The following CIB2 variants were observed in gnomAD, a reference collection of about 807,000 sequenced individuals.
CIB2 encodes the protein calcium and integrin binding family member 2, also known as calcium and integrin-binding family member 2.
CIB2 carries 19 observed loss-of-function variants against 23.1 expected under a neutral mutation model. The ratio of observed to expected loss-of-function variants is 0.82; its 90% confidence interval spans 0.57 to 1.21. The LOEUF (loss-of-function observed/expected upper bound fraction) is 1.21, where lower values mean the gene tolerates loss of function less well. Ranked by LOEUF, CIB2 falls within the 50% of genes most tolerant of loss-of-function variation. The pLI is 0.00. For missense variants in CIB2, 220 were observed against 241.5 expected (o/e 0.91, Z 0.59); for synonymous variants, 94 against 91.7 (o/e 1.03, Z -0.14).
chr15:78,119,478 G>C (rs1369255546), intron 2 of CIB2, among the ~76,000 whole-genome samples: 1 of 152,092 alleles, frequency 6.6e-6, no homozygotes, highest in African/African-American at 2.4e-5. Context: ...GATTTTATTT[G>C]TAAGTGTTTG....
In CIB2 at chr15:78,121,892, C is replaced by T. The variant is rs370838744; in HGVS notation, c.86+1813G>A. Among the ~76,000 whole-genome samples the T allele has an allele frequency of 7.9e-5, 12 of 152,354 alleles. No homozygotes were observed. In the East Asian group the frequency reaches 9.6e-4, roughly 12 times the overall value. ...TCAAGCTCCTCTCTCCTCTTCCCCA[C>T]ACAGGCAATCTTGCTGCTGTCAATG... On this transcript the variant is annotated intron_variant, in intron 2 of 5. Transcript: ENST00000258930.
At chr15:78,105,630 C>A in intron 5 of CIB2, 109 bp downstream of exon 5, 1 of 1,582,880 alleles carries the variant, frequency 6.3e-7, no homozygotes. Flanking sequence ...CTCCTGCTTC[C>A]TGGCCGCACA....
At position 78,131,412 on chromosome 15, in the gene CIB2, G is replaced by A. The variant is rs962784479; in HGVS notation, c.-197C>T. ...GTCTCGGAGGCGGGGACGGGAACCC[G>A]GAGCGGCAGCGACTCCGCCGCCGGC... On this transcript the variant is annotated 5_prime_UTR_variant, in exon 1 of 6. Transcript: ENST00000258930. The surrounding 1 kb of genome is among the most constrained non-coding windows in gnomAD (Gnocchi z 5.8). 2.1e-4 allele frequency: 46 copies of A among 221,200 alleles called. No individual in the cohort carries two copies. The highest frequency in any genetic ancestry group is 3.0e-4 in the Admixed American group (5 of 16,718). 13.7% of individuals were successfully genotyped at this position (221,200 alleles called of 1,614,324 possible).
chr15:78,127,743 G>A (rs1361313074), intron 1 of CIB2, among the ~76,000 whole-genome samples: 1 of 152,164 alleles, frequency 6.6e-6, no homozygotes, highest in Non-Finnish European at 1.5e-5. Context: ...TCTCCATCCA[G>A]CTCTGCCAGC....
intron 5 of CIB2, 60 bp from the exon 6 acceptor site, chr15:78,105,392 C>A: frequency 6.2e-7 from 1 of 1,610,614 alleles, no homozygotes; most frequent in Non-Finnish European, 8.5e-7. Context: ...GGTAAAGGCT[C>A]CTCAGGGAAA....
chr15:78,111,132 C>G (rs1285218210), intron 3 of CIB2, 33 bp downstream of exon 3: 1 of 1,585,822 alleles, frequency 6.3e-7, no homozygotes, highest in Non-Finnish European at 8.7e-7. Context: ...AGGCACAGAT[C>G]CCCTGCTCGC....
intron 4 of CIB2, 140 bp downstream of exon 4, chr15:78,109,094 TG>T: frequency 1.0e-6 from 1 of 975,114 alleles, no homozygotes. Flanking sequence ...GCCACCCCAC[TG>T]GACAGGCACT....
chr15:78,107,095 C>T (rs1287118074), intron 4 of CIB2, among the ~76,000 whole-genome samples: 1 of 151,892 alleles, frequency 6.6e-6, no homozygotes, highest in Non-Finnish European at 1.5e-5. Context: ...ATTAGCCGGG[C>T]GTGGTGGTGG....
intron 4 of CIB2, among the ~76,000 whole-genome samples, 162 bp downstream of exon 4, chr15:78,109,073 C>T (rs759263577): frequency 1.1e-4 from 16 of 152,204 alleles, no homozygotes; most frequent in African/African-American, 3.4e-4. Flanking sequence ...AGGGACTGAT[C>T]GTCTCCCTTG....
chr15:78,105,861 C>T lies in CIB2; in HGVS notation c.420G>A (p.Leu140=), dbSNP rs1212981311. The change falls in exon 5 of 6, where the codon CTG becomes CTA. Residue 140 remains leucine, a synonymous_variant. Coordinates refer to ENST00000258930, the MANE Select transcript of CIB2 (RefSeq NM_006383.4). ...ACACAAGCACCACCTCCTCCTCATC[C>T]AGCTCTGACTTAGTGAGCCGGGCCA... ...LTLARLTKSE[L]DEEEVVLVCD... 1.2e-6 allele frequency: 2 copies of T among 1,614,236 alleles called. No individual in the cohort carries two copies. Among genetic ancestry groups the T allele is most frequent in the Non-Finnish European group, 1.7e-6 (2 of 1,180,046 alleles).
At chr15:78,105,592 T>C (rs2074054642) in intron 5 of CIB2, 147 bp downstream of exon 5, 1 of 1,518,376 alleles carries the variant, frequency 6.6e-7, no homozygotes, top group Admixed American at 2.0e-5. Flanking sequence ...CAGTCACACG[T>C]CTAGGGCAAG....
intron 1 of CIB2, among the ~76,000 whole-genome samples, chr15:78,129,966 C>T (rs1179199788): frequency 6.6e-6 from 1 of 152,190 alleles, no homozygotes; most frequent in Non-Finnish European, 1.5e-5. Context: ...CCCAGGGCCT[C>T]ACCTGGGGAG....
In CIB2 at chr15:78,105,880, C is replaced by T. The variant is rs199819065; in HGVS notation, c.401G>A (p.Arg134Gln). 4.3e-5 allele frequency: 69 copies of T among 1,614,186 alleles called. No individual in the cohort carries two copies. In the East Asian group the frequency reaches 1.1e-3, roughly 25 times the overall value. ...CTCATCCAGCTCTGACTTAGTGAGC[C>T]GGGCCAGCGTCAGCTCCAGGTCCTC... ...CKEDLELTLA[R>Q]LTKSELDEEE... The change falls in exon 5 of 6, where the codon CGG becomes CAG. Residue 134 changes from arginine (R) to glutamine (Q), a missense_variant. Coordinates refer to ENST00000258930, the MANE Select transcript of CIB2 (RefSeq NM_006383.4).
chr15:78,131,084 A>G lies in CIB2; in HGVS notation c.51+81T>C. The G allele has an allele frequency of 1.6e-6, 2 of 1,241,230 alleles. No homozygotes were observed. The highest frequency in any genetic ancestry group is 2.9e-5 in the East Asian group (1 of 34,338). The allele number at this position is 1,241,230 out of a possible 1,614,324, so 76.9% of individuals were successfully genotyped here. A position where few individuals can be genotyped will look rare whatever the true frequency, so the allele number is the denominator to read the frequency against. On this transcript the variant is annotated intron_variant, in intron 1 of 5. Coordinates refer to ENST00000258930, the MANE Select transcript of CIB2 (RefSeq NM_006383.4). The surrounding 1 kb of genome is among the most constrained non-coding windows in gnomAD (Gnocchi z 5.8). ...GAACCTGGGAGAGCTGGCTCTCGGGAGGCCTCGGCCAGCGACCGAGAAAAG... is the reference window on the plus strand; with the variant it reads ...GAACCTGGGAGAGCTGGCTCTCGGGGGGCCTCGGCCAGCGACCGAGAAAAG...
At chr15:78,122,277 AG>A (rs2074330559) in intron 2 of CIB2, among the ~76,000 whole-genome samples, 1 of 152,218 alleles carries the variant, frequency 6.6e-6, no homozygotes, top group South Asian at 2.1e-4. Flanking sequence ...GGAGAGGCGA[AG>A]GACACTCCAG....
At chr15:78,122,577 T>C (rs2074333870) in intron 2 of CIB2, among the ~76,000 whole-genome samples, 1 of 152,178 alleles carries the variant, frequency 6.6e-6, no homozygotes, top group East Asian at 1.9e-4. Context: ...AAATCCCACT[T>C]ATCAAACACT....
chr15:78,131,016 C>A lies in CIB2; in HGVS notation c.51+149G>T. On this transcript the variant is annotated intron_variant, in intron 1 of 5. Coordinates refer to ENST00000258930, the MANE Select transcript of CIB2 (RefSeq NM_006383.4). This position sits in a 1 kb window ranked among gnomAD's most constrained non-coding sequence, Gnocchi z 5.8. The stretch of plus-strand genomic sequence containing the variant: ...CTGAGGCACGGCGAGGGGAAGTCAC[C>A]GGCCCAAGGTCACGCGTCGAGCTGA... 1 of 510,718 alleles carries A rather than the reference C, an allele frequency of 2.0e-6. No homozygotes were observed. Among genetic ancestry groups the A allele is most frequent in the African/African-American group, 2.0e-5 (1 of 49,240 alleles). The allele number at this position is 510,718 out of a possible 1,614,324, so 31.6% of individuals were successfully genotyped here.
At chr15:78,129,242 A>T (rs1275968866) in intron 1 of CIB2, among the ~76,000 whole-genome samples, 1 of 152,078 alleles carries the variant, frequency 6.6e-6, no homozygotes, top group Admixed American at 6.5e-5. Flanking sequence ...GGAGAGCCAG[A>T]GGGTAGGAGA....
chr15:78,114,894 TCTAAAA>T, intron 2 of CIB2, among the ~76,000 whole-genome samples: 1 of 148,366 alleles, frequency 6.7e-6, no homozygotes, highest in Middle Eastern at 3.2e-3. Flanking sequence ...AGACCCTGTC[TCTAAAA>T]AAAAAAAAGA....
Sources: gnomAD v4.1 joint callset for allele counts (sites outside exome capture counted in the v4.1 genomes callset) on GRCh38, gnomAD v4.1.1 for gene constraint, Gnocchi (gnomAD v3.1) non-coding constraint, MANE v1.5 for transcripts, NCBI Gene and HGNC (gene_info 2026-07-23, HGNC 2026-07-21) for gene names.